Variants in DESI2 observed in about 807,000 individuals in gnomAD.
DESI2 encodes the protein deubiquitinase DESI2.
Under a neutral mutation model 24.1 loss-of-function variants are expected in DESI2, and 10 were observed. The observed-to-expected ratio is 0.41, with a 90% CI of 0.26 to 0.70. The LOEUF (loss-of-function observed/expected upper bound fraction) is 0.70. Among genes scored for constraint, DESI2 ranks in the 30% least tolerant of loss-of-function variants. The pLI, the probability that DESI2 is intolerant of heterozygous loss-of-function variation, is 0.29. For synonymous variants in DESI2, 71 were observed against 87.7 expected (o/e 0.81, Z 1.06); for missense variants, 122 against 234.9 (o/e 0.52, Z 3.14).
chr1:244,689,213 G>T lies in DESI2; in HGVS notation c.116-36G>T. On this transcript the variant is annotated intron_variant, in intron 2 of 4. Transcript: ENST00000302550. The surrounding 1 kb of genome is among the most constrained non-coding windows in gnomAD (Gnocchi z 4.0). Reference sequence around the variant, plus strand: ...TCAGCATTCTGGTTAAATTTTATGTGATACATACTAAAAATCATGAGTTTT... The same window carrying T: ...TCAGCATTCTGGTTAAATTTTATGTTATACATACTAAAAATCATGAGTTTT... 9.8e-7 allele frequency: 1 copy of T among 1,021,602 alleles called. No homozygotes were observed. Among genetic ancestry groups the T allele is most frequent in the South Asian group, 1.3e-5 (1 of 76,776 alleles). 63.3% of individuals were successfully genotyped at this position (1,021,602 alleles called of 1,614,324 possible). A position where few individuals can be genotyped will look rare whatever the true frequency, so the allele number is the denominator to read the frequency against.
At position 244,707,994 on chromosome 1, in the gene DESI2, A is replaced by G. The variant is rs1677777830; in HGVS notation, c.*2205A>G. On this transcript the variant is annotated 3_prime_UTR_variant, in exon 5 of 5. Coordinates refer to ENST00000302550, the MANE Select transcript of DESI2 (RefSeq NM_016076.5). The stretch of plus-strand genomic sequence containing the variant: ...ATTCCTTATAATCTAATTATACCTG[A>G]GGTTGAGCAAGAAATGTCTTCCTTT... 1 of 152,210 alleles carries G rather than the reference A, an allele frequency of 6.6e-6. No homozygotes were observed. Among genetic ancestry groups the G allele is most frequent in the African/African-American group, 2.4e-5 (1 of 41,444 alleles). The allele number at this position is 152,210 out of a possible 1,614,324, so 9.4% of individuals were successfully genotyped here. A position where few individuals can be genotyped will look rare whatever the true frequency, so the allele number is the denominator to read the frequency against.
chr1:244,665,494 CCTGCCTCCTAAATCTTTT>C (rs1676009968), intron 1 of DESI2, among the ~76,000 whole-genome samples: 1 of 152,118 alleles, frequency 6.6e-6, no homozygotes, highest in Admixed American at 6.5e-5. Flanking sequence ...TAAAAACTGC[CCTGCCTCCTAAATCTTTT>C]CTGTGACTAT....
intron 1 of DESI2, among the ~76,000 whole-genome samples, chr1:244,660,315 G>A (rs1483207498): frequency 3.3e-5 from 5 of 152,060 alleles, no homozygotes; most frequent in African/African-American, 7.2e-5. Flanking sequence ...ACAGGCGTGC[G>A]CCACCATGCC....
chr1:244,686,598 A>G lies in DESI2; in HGVS notation c.44A>G (p.Tyr15Cys). The G allele has an allele frequency of 1.3e-6, 2 of 1,598,538 alleles. No individual in the cohort carries two copies. Among genetic ancestry groups the G allele is most frequent in the Non-Finnish European group, 8.6e-7 (1 of 1,165,950 alleles). The change falls in exon 2 of 5, where the codon TAT becomes TGT. Residue 15 changes from tyrosine to cysteine, a missense_variant and splice_region_variant. Physicochemically the swap from Tyr to Cys is radical, Grantham distance 194. Coordinates refer to ENST00000302550, the MANE Select transcript of DESI2 (RefSeq NM_016076.5). ...QLVVLNVYDM[Y>C]WMNEYTSSIG... ...ATCTTTTCTTTCTTTTTTTCTCAGTATTGGATGAACGAATATACCTCATCC... is the reference window on the plus strand; with the variant it reads ...ATCTTTTCTTTCTTTTTTTCTCAGTGTTGGATGAACGAATATACCTCATCC...
rs548830574 is a variant in DESI2 at position 244,698,476 on chromosome 1, T to C, written c.351+6456T>C. Among the ~76,000 whole-genome samples, 3 of 152,368 alleles carry C rather than the reference T, an allele frequency of 2.0e-5. 1 individual carries two copies. In the South Asian group the frequency reaches 6.2e-4, roughly 32 times the overall value. On this transcript the variant is annotated intron_variant, in intron 4 of 4. Coordinates refer to ENST00000302550, the MANE Select transcript of DESI2 (RefSeq NM_016076.5). ...TTTTGAGTGGGTCTTAGAAAGCACTTAGGAAAGCTTTGCTTTTTGCTTGGC... is the reference window on the plus strand; with the variant it reads ...TTTTGAGTGGGTCTTAGAAAGCACTCAGGAAAGCTTTGCTTTTTGCTTGGC...
rs1677809390 is a variant in DESI2, at chr1:244,708,764, G to A, written c.*2975G>A. ...CATTGTATCTCTTTCTCTTCAGTAT[G>A]GTTTAGAGCCCAGATCAGTTAGTAG... On this transcript the variant is annotated 3_prime_UTR_variant, in exon 5 of 5. Coordinates refer to ENST00000302550, the MANE Select transcript of DESI2 (RefSeq NM_016076.5). 6.6e-6 allele frequency: 1 copy of A among 152,564 alleles called. No homozygotes were observed. The highest frequency in any genetic ancestry group is 6.5e-5 in the Admixed American group (1 of 15,272). 9.5% of individuals were successfully genotyped at this position (152,564 alleles called of 1,614,324 possible). A position where few individuals can be genotyped will look rare whatever the true frequency, so the allele number is the denominator to read the frequency against.
Position 244,664,295 on chromosome 1 carries a change from A to G in DESI2, c.42+10940A>G, listed in dbSNP as rs75200452. ...ATATAGAAGGACGTGTGTTGTAAATATACTTAATTCTTGTTTTGGAAGATT... is the reference window on the plus strand; with the variant it reads ...ATATAGAAGGACGTGTGTTGTAAATGTACTTAATTCTTGTTTTGGAAGATT... On this transcript the variant is annotated intron_variant, in intron 1 of 4. Transcript: ENST00000302550. Among the ~76,000 whole-genome samples, 25 of 152,332 alleles carry G rather than the reference A, an allele frequency of 1.6e-4. No homozygotes were observed. The East Asian group carries it at 4.8e-3, about 29-fold the overall frequency.
chr1:244,688,614 T>C (rs1676903321), intron 2 of DESI2, among the ~76,000 whole-genome samples: 1 of 152,186 alleles, frequency 6.6e-6, no homozygotes, highest in Non-Finnish European at 1.5e-5. Context: ...TTCTCCAGAG[T>C]TTGTATCTGA....
intron 4 of DESI2, among the ~76,000 whole-genome samples, chr1:244,703,784 G>A (rs1303783486): frequency 4.0e-5 from 6 of 151,480 alleles, no homozygotes; most frequent in African/African-American, 7.3e-5. Context: ...TCAGCCTCCC[G>A]AGTAGCTGGG....
chr1:244,675,372 A>G (rs545794179), intron 1 of DESI2, among the ~76,000 whole-genome samples: 2 of 152,300 alleles, frequency 1.3e-5, no homozygotes, highest in East Asian at 3.9e-4. Flanking sequence ...GTAATCCAAG[A>G]TCATGAAGAT....
At chr1:244,678,188 A>G (rs1215551524) in intron 1 of DESI2, among the ~76,000 whole-genome samples, 2 of 152,226 alleles carry the variant, frequency 1.3e-5, no homozygotes, top group Admixed American at 6.5e-5. Context: ...TTTAGGCCAC[A>G]TCTCATTATA....
intron 2 of DESI2, among the ~76,000 whole-genome samples, chr1:244,688,369 A>AC (rs1676894766): frequency 6.6e-6 from 1 of 152,198 alleles, no homozygotes; most frequent in South Asian, 2.1e-4. Flanking sequence ...TATTTCTCAA[A>AC]CTACATCATT....
At chr1:244,683,204 C>T (rs1409018593) in intron 1 of DESI2, among the ~76,000 whole-genome samples, 1 of 152,154 alleles carries the variant, frequency 6.6e-6, no homozygotes, top group Non-Finnish European at 1.5e-5. Context: ...GTTGGGGGTT[C>T]TTGCTGAACT....
At chr1:244,700,844 C>G (rs569998285) in intron 4 of DESI2, among the ~76,000 whole-genome samples, 33 of 152,224 alleles carry the variant, frequency 2.2e-4, no homozygotes, top group Non-Finnish European at 3.7e-4. Flanking sequence ...TTACCATAAG[C>G]ACCACCAATA....
chr1:244,704,665 T>TCG (rs1553268099), intron 4 of DESI2, among the ~76,000 whole-genome samples: 1 of 151,496 alleles, frequency 6.6e-6, no homozygotes, highest in Non-Finnish European at 1.5e-5. Flanking sequence ...GGAAAACACT[T>TCG]TGTGTGTGTG....
intron 1 of DESI2, among the ~76,000 whole-genome samples, chr1:244,682,335 C>G (rs926407916): frequency 5.3e-5 from 8 of 152,172 alleles, no homozygotes; most frequent in Non-Finnish European, 1.0e-4. Flanking sequence ...CATTTACAAT[C>G]CTCTAGCTAG....
At chr1:244,685,835 C>T (rs182854983) in intron 1 of DESI2, among the ~76,000 whole-genome samples, 1 of 152,228 alleles carries the variant, frequency 6.6e-6, no homozygotes, top group East Asian at 1.9e-4. Flanking sequence ...CTCAGTTTAA[C>T]CCCCTCCACT....
chr1:244,679,479 T>C (rs1002571589), intron 1 of DESI2, among the ~76,000 whole-genome samples: 1 of 152,184 alleles, frequency 6.6e-6, no homozygotes, highest in East Asian at 1.9e-4. Flanking sequence ...TTACTTTCTC[T>C]CACACCCGTC....
At chr1:244,687,398 C>T (rs1010403403) in intron 2 of DESI2, among the ~76,000 whole-genome samples, 52 of 152,130 alleles carry the variant, frequency 3.4e-4, no homozygotes, top group African/African-American at 1.2e-3. Context: ...TAATGGTCTG[C>T]GTAAGACAGA....
Sources: gnomAD v4.1 joint callset for allele counts (sites outside exome capture counted in the v4.1 genomes callset) on GRCh38, gnomAD v4.1.1 for gene constraint, Gnocchi (gnomAD v3.1) non-coding constraint, MANE v1.5 for transcripts, NCBI Gene and HGNC (gene_info 2026-07-23, HGNC 2026-07-21) for gene names.